Variants in ARHGEF10L observed in about 807,000 individuals in gnomAD.
The protein encoded by ARHGEF10L is rho guanine nucleotide exchange factor 10-like protein.
A neutral mutation model predicts 141.2 loss-of-function variants in ARHGEF10L; 69 were observed. The observed-to-expected ratio is 0.49, with a 90% CI of 0.40 to 0.60. The LOEUF (loss-of-function observed/expected upper bound fraction) is 0.60. Among genes scored for constraint, ARHGEF10L ranks in the 20% least tolerant of loss-of-function variants. ARHGEF10L has a pLI of 0.00. For synonymous variants in ARHGEF10L, 711 were observed against 718.5 expected (o/e 0.99, Z 0.17); for missense variants, 1,482 against 1,734.3 (o/e 0.85, Z 2.58).
At chr1:17,557,184 A>G (rs1310905704) in intron 1 of ARHGEF10L, among the ~76,000 whole-genome samples, 1 of 152,096 alleles carries the variant, frequency 6.6e-6, no homozygotes, top group South Asian at 2.1e-4. Context: ...CTCTACTAAA[A>G]ATACGAAAAT....
the ARHGEF10L span, among the ~76,000 whole-genome samples, chr1:17,523,244 A>T: frequency 6.6e-6 from 1 of 151,698 alleles, no homozygotes; most frequent in East Asian, 1.9e-4. Context: ...CACCACCACC[A>T]CGCCCAGCTA....
At position 17,621,957 on chromosome 1, in the gene ARHGEF10L, G is replaced by T. The variant is rs1190487715; in HGVS notation, c.1020+16G>T. On this transcript the variant is annotated intron_variant, in intron 11 of 28. Transcript: ENST00000361221. This position sits in a 1 kb window ranked among gnomAD's most constrained non-coding sequence, Gnocchi z 4.1. ...GATACTCCAGGTGCGACTTCAGGGA[G>T]TTCTCAAGGGTCTCTGGGGAGAAGC... 3.1e-6 allele frequency: 5 copies of T among 1,613,812 alleles called. No individual in the cohort carries two copies. The Admixed American group carries it at 5.0e-5, about 16-fold the overall frequency.
chr1:17,670,480 G>T (rs963701058), intron 26 of ARHGEF10L, among the ~76,000 whole-genome samples: 1 of 152,254 alleles, frequency 6.6e-6, no homozygotes, highest in African/African-American at 2.4e-5. Flanking sequence ...CCGATTGCTG[G>T]AGGGGGAAGC....
chr1:17,590,454 G>A (rs572503765), intron 4 of ARHGEF10L, among the ~76,000 whole-genome samples: 3 of 152,188 alleles, frequency 2.0e-5, no homozygotes, highest in South Asian at 2.1e-4. Flanking sequence ...CCGGCTCTTC[G>A]CTCCCCCAAC....
In ARHGEF10L at chr1:17,656,407, G is replaced by C; in HGVS notation, c.2706-147G>C. 1 of 1,003,122 alleles carries C rather than the reference G, an allele frequency of 1.0e-6. No individual in the cohort carries two copies. The allele number at this position is 1,003,122 out of a possible 1,614,324, so 62.1% of individuals were successfully genotyped here. A position where few individuals can be genotyped will look rare whatever the true frequency, so the allele number is the denominator to read the frequency against. On this transcript the variant is annotated intron_variant, in intron 24 of 28. Transcript: ENST00000361221. The surrounding 1 kb of genome is among the most constrained non-coding windows in gnomAD (Gnocchi z 4.9). The stretch of plus-strand genomic sequence containing the variant: ...ACCATGGAAAAGTGAGCTCCCGCAT[G>C]GTGGAGCTATGGCCTGGCCACACAG...
Position 17,603,381 on chromosome 1 carries a change from G to A in ARHGEF10L, c.350-127G>A. 1.5e-6 allele frequency: 1 copy of A among 658,218 alleles called. No homozygotes were observed. Among genetic ancestry groups the A allele is most frequent in the Admixed American group, 2.8e-5 (1 of 36,040 alleles). The allele number at this position is 658,218 out of a possible 1,614,324, so 40.8% of individuals were successfully genotyped here. A position where few individuals can be genotyped will look rare whatever the true frequency, so the allele number is the denominator to read the frequency against. ...AGGGCAGCTGGCGGAGCTAAGGGCT[G>A]GGCTGGGCTATCAGAAAGGAGGGTG... On this transcript the variant is annotated intron_variant, in intron 5 of 28. Coordinates refer to ENST00000361221, the MANE Select transcript of ARHGEF10L (RefSeq NM_018125.4). The surrounding 1 kb of genome is among the most constrained non-coding windows in gnomAD (Gnocchi z 4.8).
At chr1:17,669,507 G>T (rs953389625) in intron 26 of ARHGEF10L, among the ~76,000 whole-genome samples, 37 of 152,172 alleles carry the variant, frequency 2.4e-4, no homozygotes, top group African/African-American at 8.2e-4. Flanking sequence ...CTTGCCCAAG[G>T]TCACACAGCT....
chr1:17,632,232 T>A (rs2060736307), intron 15 of ARHGEF10L, 89 bp from the exon 16 acceptor site: 3 of 1,549,182 alleles, frequency 1.9e-6, no homozygotes, highest in Admixed American at 3.4e-5. Context: ...CAGTCTCCCT[T>A]TCTGCACCAT....
the ARHGEF10L span, among the ~76,000 whole-genome samples, chr1:17,531,026 T>TA: frequency 4.0e-5 from 6 of 150,216 alleles, no homozygotes; most frequent in African/African-American, 1.5e-4. Context: ...AAAATAAAAA[T>TA]AAAAAAAAGA....
intron 20 of ARHGEF10L, 106 bp downstream of exon 20, chr1:17,638,795 C>A: frequency 6.6e-7 from 1 of 1,516,740 alleles, no homozygotes; most frequent in Non-Finnish European, 8.9e-7. Context: ...GTCGAGATGC[C>A]ATGGTGGGAG....
At chr1:17,556,788 C>G (rs763377451) in intron 1 of ARHGEF10L, among the ~76,000 whole-genome samples, 8 of 152,156 alleles carry the variant, frequency 5.3e-5, no homozygotes, top group East Asian at 1.9e-4. Context: ...TTAAAAGAAG[C>G]CTCCCGTTCA....
intron 26 of ARHGEF10L, among the ~76,000 whole-genome samples, chr1:17,676,589 G>A (rs1017754577): frequency 1.7e-4 from 26 of 152,100 alleles, no homozygotes; most frequent in African/African-American, 5.8e-4. Context: ...GCCTGGGGAC[G>A]CTTTCTGGGC....
chr1:17,525,917 G>A, the ARHGEF10L span, among the ~76,000 whole-genome samples: 17 of 150,288 alleles, frequency 1.1e-4, no homozygotes, highest in Admixed American at 4.7e-4. Context: ...TGGAAGAATC[G>A]CTTGAATCCT....
intron 1 of ARHGEF10L, among the ~76,000 whole-genome samples, chr1:17,543,583 CA>C (rs199606320): frequency 1.8e-4 from 26 of 146,334 alleles, no homozygotes; most frequent in African/African-American, 4.3e-4. Flanking sequence ...AACTCCGTCT[CA>C]AAAAAAAAAA....
At chr1:17,598,102 C>CTTT (rs553934561) in intron 4 of ARHGEF10L, among the ~76,000 whole-genome samples, 1 of 139,048 alleles carries the variant, frequency 7.2e-6, no homozygotes, top group Non-Finnish European at 1.6e-5. Flanking sequence ...ACAAGAGAAA[C>CTTT]TTTTTTTTTT....
chr1:17,556,282 G>T (rs866793312), intron 1 of ARHGEF10L, among the ~76,000 whole-genome samples: 45 of 65,690 alleles, frequency 6.9e-4, no homozygotes, highest in African/African-American at 2.3e-3. Context: ...CGGGGGGGGG[G>T]CCTGGGAGCA....
At chr1:17,675,635 T>C (rs1278542745) in intron 26 of ARHGEF10L, among the ~76,000 whole-genome samples, 2 of 123,994 alleles carry the variant, frequency 1.6e-5, no homozygotes, top group Non-Finnish European at 3.4e-5. Context: ...GGGGATAGGT[T>C]TGTGTGCAGG....
intron 22 of ARHGEF10L, among the ~76,000 whole-genome samples, chr1:17,653,061 T>C (rs2062023987): frequency 6.6e-6 from 1 of 152,172 alleles, no homozygotes; most frequent in African/African-American, 2.4e-5. Context: ...TGAGAGGCCC[T>C]TGGTAAGCCT....
At chr1:17,570,460 A>C (rs190918706) in intron 1 of ARHGEF10L, among the ~76,000 whole-genome samples, 86 of 151,704 alleles carry the variant, frequency 5.7e-4, no homozygotes, top group Admixed American at 3.2e-3. Flanking sequence ...AGGCAGAAAC[A>C]TGCTTGGGGC....
Sources: allele counts gnomAD v4.1 joint callset (sites outside exome capture counted in the v4.1 genomes callset), GRCh38; gene constraint gnomAD v4.1.1; non-coding constraint Gnocchi (gnomAD v3.1); transcripts MANE v1.5; gene names NCBI Gene and HGNC (gene_info 2026-07-23, HGNC 2026-07-21).